The following PLD5 variants were observed in gnomAD, a reference collection of about 807,000 sequenced individuals.
The protein encoded by PLD5 is phospholipase D family member 5.
A neutral mutation model predicts 61.1 loss-of-function variants in PLD5; 36 were observed. The observed-to-expected ratio is 0.59, with a 90% CI of 0.45 to 0.78. The LOEUF (loss-of-function observed/expected upper bound fraction) is 0.78. Ranked by LOEUF, PLD5 falls within the 30% of genes least tolerant of loss-of-function variation. The probability of loss-of-function intolerance (pLI) is 0.00; values close to 1 mark genes in which losing one functional copy is unlikely to be tolerated. For missense variants in PLD5, 515 were observed against 644.4 expected, an observed-to-expected ratio of 0.80 and a Z score of 2.17; for synonymous variants, 243 against 242.8, an observed-to-expected ratio of 1.00 and a Z score of -0.01.
intron 2 of PLD5, among the ~76,000 whole-genome samples, chr1:242,303,534 T>C (rs1676180859): frequency 6.6e-6 from 1 of 152,244 alleles, no homozygotes; most frequent in South Asian, 2.1e-4. Flanking sequence ...CTCCGAACTG[T>C]ACTTGGTAGA....
At chr1:242,338,419 G>T (rs897776048) in intron 2 of PLD5, among the ~76,000 whole-genome samples, 1 of 151,840 alleles carries the variant, frequency 6.6e-6, no homozygotes, top group Admixed American at 6.6e-5. Context: ...CACTACTCAT[G>T]ATTATCAGAT....
At chr1:242,212,132 C>G (rs976400013) in intron 5 of PLD5, among the ~76,000 whole-genome samples, 1 of 152,148 alleles carries the variant, frequency 6.6e-6, no homozygotes, top group African/African-American at 2.4e-5. Context: ...AGAACCATCA[C>G]CTGCTTTACC....
chr1:242,344,924 G>A (rs1293259651), intron 2 of PLD5, among the ~76,000 whole-genome samples: 14 of 152,162 alleles, frequency 9.2e-5, no homozygotes, highest in Admixed American at 6.5e-4. Context: ...GAGATGAAAC[G>A]CTCTTCTTAC....
intron 9 of PLD5, among the ~76,000 whole-genome samples, chr1:242,093,914 A>G (rs1660032987): frequency 6.6e-6 from 1 of 152,096 alleles, no homozygotes; most frequent in Non-Finnish European, 1.5e-5. Flanking sequence ...GGATTGAGCC[A>G]AGATCCAGCA....
At chr1:242,325,414 G>T (rs1363391083) in intron 2 of PLD5, among the ~76,000 whole-genome samples, 3 of 133,672 alleles carry the variant, frequency 2.2e-5, no homozygotes, top group African/African-American at 8.3e-5. Flanking sequence ...GTTGTGGGGG[G>T]AGAGCGAGAG....
chr1:242,448,349 T>A (rs1666633506), intron 1 of PLD5, among the ~76,000 whole-genome samples: 1 of 152,214 alleles, frequency 6.6e-6, no homozygotes, highest in East Asian at 1.9e-4. Context: ...CCTCCCTTCA[T>A]CACCAGTCTC....
chr1:242,511,092 C>A (rs1406061559), intron 1 of PLD5, among the ~76,000 whole-genome samples: 1 of 151,960 alleles, frequency 6.6e-6, no homozygotes, highest in Non-Finnish European at 1.5e-5. Context: ...AAGGAAGTTC[C>A]CCCAAATAAA....
At chr1:242,447,542 C>T (rs1469397500) in intron 1 of PLD5, among the ~76,000 whole-genome samples, 1 of 152,192 alleles carries the variant, frequency 6.6e-6, no homozygotes, top group Non-Finnish European at 1.5e-5. Context: ...AAATTATTGC[C>T]ATTTTAGTGT....
chr1:242,349,624 TCATTA>T (rs1469197679), intron 1 of PLD5, among the ~76,000 whole-genome samples: 1 of 152,138 alleles, frequency 6.6e-6, no homozygotes, highest in East Asian at 1.9e-4. Context: ...CACATACATA[TCATTA>T]GGCCCCAGTA....
At chr1:242,457,763 C>G (rs551162977) in intron 1 of PLD5, among the ~76,000 whole-genome samples, 4 of 152,340 alleles carry the variant, frequency 2.6e-5, no homozygotes, top group African/African-American at 7.2e-5. Flanking sequence ...CCGGCTCAAC[C>G]TCTGCCTCCT....
In PLD5 at chr1:242,350,865, G is replaced by A. The variant is rs1660433552; in HGVS notation, c.190-2623C>T. ...CCATTATTCTTTTACCCTAGACCCT[G>A]CTTATCTGTAAGACATGGATTCTGT... On this transcript the variant is annotated intron_variant, in intron 1 of 9. Coordinates refer to ENST00000536534, the MANE Select transcript of PLD5 (RefSeq NM_001372062.1). Among the ~76,000 whole-genome samples, 5 of 150,782 alleles carry A rather than the reference G, an allele frequency of 3.3e-5. No individual in the cohort carries two copies. In the South Asian group the frequency reaches 1.1e-3, roughly 32 times the overall value.
chr1:242,427,183 C>T (rs1223718513), intron 1 of PLD5, among the ~76,000 whole-genome samples: 1 of 152,152 alleles, frequency 6.6e-6, no homozygotes, highest in South Asian at 2.1e-4. Flanking sequence ...TTACCTTGAT[C>T]AACACATAAT....
chr1:242,402,022 G>A (rs536258322), intron 1 of PLD5, among the ~76,000 whole-genome samples: 4 of 152,276 alleles, frequency 2.6e-5, no homozygotes, highest in East Asian at 1.9e-4. Context: ...CTCCCACCCC[G>A]GCTTCCGCCT....
chr1:242,194,669 C>CTATCTATCTATCTAT (rs1558329066), intron 5 of PLD5, among the ~76,000 whole-genome samples: 3 of 91,410 alleles, frequency 3.3e-5, no homozygotes, highest in African/African-American at 1.1e-4. Flanking sequence ...TATCTATCTA[C>CTATCTATCTATCTAT]CTATCTATGA....
At chr1:242,227,478 C>T (rs1347041506) in intron 4 of PLD5, among the ~76,000 whole-genome samples, 1 of 152,126 alleles carries the variant, frequency 6.6e-6, no homozygotes, top group Non-Finnish European at 1.5e-5. Context: ...AATTCTCATG[C>T]CTCAGCCTCC....
intron 1 of PLD5, among the ~76,000 whole-genome samples, chr1:242,423,420 G>A (rs1441947182): frequency 1.3e-5 from 2 of 152,182 alleles, no homozygotes; most frequent in Non-Finnish European, 2.9e-5. Flanking sequence ...ATAGAATACT[G>A]TGGCGAAATA....
intron 4 of PLD5, among the ~76,000 whole-genome samples, chr1:242,247,787 G>T (rs1167653189): frequency 4.8e-4 from 73 of 152,274 alleles, no homozygotes; most frequent in Non-Finnish European, 8.8e-5. Flanking sequence ...TGGATGATTG[G>T]TATTCCAACA....
intron 1 of PLD5, among the ~76,000 whole-genome samples, chr1:242,502,660 T>C (rs1020555799): frequency 6.6e-6 from 1 of 152,052 alleles, no homozygotes; most frequent in South Asian, 2.1e-4. Context: ...TGGGCATGTA[T>C]GTGTGTATGT....
chr1:242,481,305 C>T (rs1184104432), intron 1 of PLD5, among the ~76,000 whole-genome samples: 2 of 152,190 alleles, frequency 1.3e-5, no homozygotes, highest in Non-Finnish European at 2.9e-5. Flanking sequence ...AATTCCCTTT[C>T]CTAGCCAAGG....
Sources: allele counts gnomAD v4.1 joint callset (sites outside exome capture counted in the v4.1 genomes callset), GRCh38; gene constraint gnomAD v4.1.1; transcripts MANE v1.5; gene names NCBI Gene and HGNC (gene_info 2026-07-23, HGNC 2026-07-21).